ATP9B: variants seen among roughly 807,000 people sequenced by gnomAD.
ATP9B encodes the protein ATPase phospholipid transporting 9B, also known as probable phospholipid-transporting ATPase IIB.
In ATP9B, 110 loss-of-function variants were observed where a neutral mutation model predicts 146.1. The ratio of observed to expected loss-of-function variants is 0.75; its 90% confidence interval spans 0.65 to 0.88. The LOEUF (loss-of-function observed/expected upper bound fraction) is 0.88, where lower values mean the gene tolerates loss of function less well. Among genes scored for constraint, ATP9B ranks in the 40% least tolerant of loss-of-function variants. The pLI, the probability that ATP9B is intolerant of heterozygous loss-of-function variation, is 0.00. For synonymous variants in ATP9B, 604 were observed against 569.7 expected (o/e 1.06, Z -0.86); for missense variants, 1,499 against 1,496.4 (o/e 1.00, Z -0.03).
At chr18:79,193,376 G>A in intron 9 of ATP9B, 113 bp downstream of exon 9, 1 of 885,958 alleles carries the variant, frequency 1.1e-6, no homozygotes, top group Non-Finnish European at 1.8e-6. Context: ...TTTCAAACTA[G>A]GAAGGGAAAA....
intron 11 of ATP9B, among the ~76,000 whole-genome samples, chr18:79,232,112 A>G (rs2095798835): frequency 6.6e-6 from 1 of 152,054 alleles, no homozygotes; most frequent in Admixed American, 6.5e-5. Context: ...GCTCAGGGGA[A>G]AAGACCTTAC....
chr18:79,071,395 CTTCCTTT>C (rs1182455948), intron 1 of ATP9B, among the ~76,000 whole-genome samples: 1 of 8,576 alleles, frequency 1.2e-4, no homozygotes, highest in East Asian at 4.1e-3. Flanking sequence ...TTCTATTGTT[CTTCCTTT>C]TTTTTTTTTT....
Position 79,258,772 on chromosome 18 carries a change from C to G in ATP9B, c.1268+5231C>G, listed in dbSNP as rs562720381. Among the ~76,000 whole-genome samples, 30 of 152,292 alleles carry G rather than the reference C, an allele frequency of 2.0e-4. No homozygotes were observed. The South Asian group carries it at 6.2e-3, about 32-fold the overall frequency. On this transcript the variant is annotated intron_variant, in intron 12 of 29. Transcript: ENST00000426216. ...TGTTTAGCTCCAGAACATCTCACACCCACTTCAACACAAGGCTCTACCATG... is the reference window on the plus strand; with the variant it reads ...TGTTTAGCTCCAGAACATCTCACACGCACTTCAACACAAGGCTCTACCATG...
chr18:79,131,822 C>T (rs1326410178), intron 5 of ATP9B, among the ~76,000 whole-genome samples: 1 of 152,146 alleles, frequency 6.6e-6, no homozygotes, highest in Non-Finnish European at 1.5e-5. Flanking sequence ...CTGGATGAAC[C>T]TCAAAACATT....
chr18:79,246,792 ACT>A (rs1479408827), intron 11 of ATP9B, among the ~76,000 whole-genome samples: 3 of 152,156 alleles, frequency 2.0e-5, no homozygotes, highest in Non-Finnish European at 2.9e-5. Flanking sequence ...GAGACAGATG[ACT>A]CTGAGACAGA....
chr18:79,343,617 A>C (rs924172328), intron 20 of ATP9B: 1 of 152,452 alleles, frequency 6.6e-6, no homozygotes, highest in African/African-American at 2.4e-5. Flanking sequence ...TATTTGACCT[A>C]TTATGAAAAG....
chr18:79,350,515 G>T (rs567702474), intron 25 of ATP9B, among the ~76,000 whole-genome samples: 20 of 152,312 alleles, frequency 1.3e-4, no homozygotes, highest in African/African-American at 4.8e-4. Flanking sequence ...TGCGTCCATG[G>T]TGTCAACTTG....
At chr18:79,318,964 A>G (rs2096698802) in intron 15 of ATP9B, among the ~76,000 whole-genome samples, 1 of 152,186 alleles carries the variant, frequency 6.6e-6, no homozygotes, top group Non-Finnish European at 1.5e-5. Flanking sequence ...GTCCTTGTGA[A>G]ATTAGAAAAA....
chr18:79,377,095 T>G, intron 29 of ATP9B, 152 bp from the exon 30 acceptor site: 13 of 870,796 alleles, frequency 1.5e-5, no homozygotes, highest in Non-Finnish European at 2.3e-5. Flanking sequence ...CAAGAAAACC[T>G]GAGATTTGGA....
chr18:79,286,880 T>C (rs2096449148), intron 13 of ATP9B, among the ~76,000 whole-genome samples: 1 of 152,254 alleles, frequency 6.6e-6, no homozygotes, highest in Non-Finnish European at 1.5e-5. Context: ...GATAATCATG[T>C]GGTTTTTGTC....
At chr18:79,167,146 C>G (rs1244287131) in intron 7 of ATP9B, among the ~76,000 whole-genome samples, 1 of 152,188 alleles carries the variant, frequency 6.6e-6, no homozygotes, top group East Asian at 1.9e-4. Flanking sequence ...CTCTGAAGAG[C>G]CACAGATCTT....
At chr18:79,210,639 G>A (rs556900955) in intron 10 of ATP9B, among the ~76,000 whole-genome samples, 10 of 152,318 alleles carry the variant, frequency 6.6e-5, no homozygotes, top group South Asian at 2.1e-4. Flanking sequence ...GGAGTTGTAC[G>A]TGCAGTGCTC....
intron 11 of ATP9B, among the ~76,000 whole-genome samples, chr18:79,242,897 G>A (rs1227429519): frequency 6.6e-6 from 1 of 152,076 alleles, no homozygotes; most frequent in Non-Finnish European, 1.5e-5. Flanking sequence ...ATAATAAAAG[G>A]GTGATTATGC....
At chr18:79,334,718 C>T (rs1045490514) in intron 17 of ATP9B, among the ~76,000 whole-genome samples, 12 of 152,128 alleles carry the variant, frequency 7.9e-5, no homozygotes, top group Admixed American at 6.5e-4. Context: ...ACAGCTAAGT[C>T]CTACACACGC....
chr18:79,363,431 T>C (rs2097002985), intron 26 of ATP9B: 1 of 152,198 alleles, frequency 6.6e-6, no homozygotes, highest in Non-Finnish European at 1.5e-5. Flanking sequence ...CAGATGTTCC[T>C]GGATCAAGAG....
chr18:79,244,286 C>G (rs959158278), intron 11 of ATP9B, among the ~76,000 whole-genome samples: 1 of 152,162 alleles, frequency 6.6e-6, no homozygotes, highest in Non-Finnish European at 1.5e-5. Context: ...CAAGGACTCA[C>G]TTTGCTTGTG....
chr18:79,163,867 T>TCACAC (rs2094921300), intron 7 of ATP9B, among the ~76,000 whole-genome samples: 2 of 77,762 alleles, frequency 2.6e-5, no homozygotes, highest in East Asian at 1.1e-3. Context: ...TATTTTATTT[T>TCACAC]ATACACACAC....
chr18:79,110,864 A>G (rs552469096), intron 3 of ATP9B, among the ~76,000 whole-genome samples: 23 of 152,336 alleles, frequency 1.5e-4, no homozygotes, highest in African/African-American at 5.3e-4. Context: ...TAGTTTGGAG[A>G]AAACAGTAAA....
chr18:79,091,883 T>A (rs1478534368), intron 1 of ATP9B, among the ~76,000 whole-genome samples: 1 of 152,206 alleles, frequency 6.6e-6, no homozygotes, highest in Non-Finnish European at 1.5e-5. Flanking sequence ...TGTCTATTTT[T>A]CTTTCCACTT....
Sources: allele counts gnomAD v4.1 joint callset (sites outside exome capture counted in the v4.1 genomes callset), GRCh38; gene constraint gnomAD v4.1.1; transcripts MANE v1.5; gene names NCBI Gene and HGNC (gene_info 2026-07-23, HGNC 2026-07-21).